The following HMCN2 variants were observed in gnomAD, a reference collection of about 807,000 sequenced individuals.
HMCN2 encodes the protein hemicentin 2.
Under a neutral mutation model 377.5 loss-of-function variants are expected in HMCN2, and 325 were observed. The ratio of observed to expected loss-of-function variants is 0.86; its 90% CI spans 0.79 to 0.94. HMCN2 has a LOEUF of 0.94. Ranked by LOEUF, HMCN2 falls within the 40% of genes least tolerant of loss-of-function variation. The probability of loss-of-function intolerance (pLI) is 0.00; values close to 1 mark genes in which losing one functional copy is unlikely to be tolerated. For missense variants in HMCN2, 4,543 were observed against 4,725.3 expected, an observed-to-expected ratio of 0.96 and a Z score of 1.13; for synonymous variants, 2,007 against 2,046.8, an observed-to-expected ratio of 0.98 and a Z score of 0.53.
intron 1 of HMCN2, among the ~76,000 whole-genome samples, chr9:130,277,820 T>C (rs1290391297): frequency 2.4e-5 from 1 of 41,932 alleles, no homozygotes; most frequent in Admixed American, 2.6e-4. Flanking sequence ...ACCATCATCA[T>C]CATCACCACC....
chr9:130,404,007 CT>C (rs916982128), intron 80 of HMCN2, 132 bp downstream of exon 80: 2 of 876,010 alleles, frequency 2.3e-6, no homozygotes, highest in African/African-American at 3.6e-5. Context: ...GAAAACATCT[CT>C]CATTGTGCGC....
intron 36 of HMCN2, among the ~76,000 whole-genome samples, chr9:130,358,840 A>AT (rs1224522579): frequency 6.6e-6 from 1 of 151,934 alleles, no homozygotes; most frequent in East Asian, 1.9e-4. Context: ...CGTCTGGCTA[A>AT]TTTTTTTGTA....
rs146098786 is a variant in HMCN2 at position 130,348,699 on chromosome 9, G to A, written c.4155+24G>A. ...TGGTGGGTGTCCCCCTAGGGTGGGC[G>A]GGGTATGGGTGGGATTTAGGCTGGG... On this transcript the variant is annotated intron_variant, in intron 27 of 97. Coordinates refer to ENST00000683500, the MANE Select transcript of HMCN2 (RefSeq NM_001291815.2). 245 of 1,302,630 alleles carry A rather than the reference G, an allele frequency of 1.9e-4. No individual in the cohort carries two copies. The African/African-American group carries it at 3.0e-3, about 16-fold the overall frequency. 80.7% of individuals were successfully genotyped at this position (1,302,630 alleles called of 1,614,324 possible).
chr9:130,300,375 C>T (rs532782038), intron 8 of HMCN2, among the ~76,000 whole-genome samples: 1 of 152,380 alleles, frequency 6.6e-6, no homozygotes, highest in African/African-American at 2.4e-5. Context: ...GCAGGGCAGA[C>T]ATGGACTTTT....
chr9:130,337,592 G>T (rs1026290004), intron 22 of HMCN2, among the ~76,000 whole-genome samples: 1 of 152,140 alleles, frequency 6.6e-6, no homozygotes, highest in Non-Finnish European at 1.5e-5. Flanking sequence ...GGAAATGGAG[G>T]CTCCAAGAGG....
At chr9:130,371,767 C>T (rs1205066240) in intron 46 of HMCN2, among the ~76,000 whole-genome samples, 1 of 152,186 alleles carries the variant, frequency 6.6e-6, no homozygotes, top group African/African-American at 2.4e-5. Context: ...CTGCATTGGG[C>T]CCAGTGGAAA....
chr9:130,359,352 A>G lies in HMCN2; in HGVS notation c.5711A>G (p.Lys1904Arg). 7.7e-7 allele frequency: 1 copy of G among 1,304,086 alleles called. No individual in the cohort carries two copies. The highest frequency in any genetic ancestry group is 1.0e-6 in the Non-Finnish European group (1 of 988,728). The allele number at this position is 1,304,086 out of a possible 1,614,324, so 80.8% of individuals were successfully genotyped here. Residue 1904 changes from lysine (K) to arginine (R), a missense_variant, in exon 37 of 98, where the codon AAG (lysine) becomes AGG (arginine). By Grantham distance (26) the Lys-to-Arg change is conservative (BLOSUM62 2). Transcript: ENST00000683500. Reference protein sequence around the residue: ...PPNIEPGPVNKAVLENASVTL... With the variant: ...PPNIEPGPVNRAVLENASVTL... ...AACATCGAGCCAGGCCCAGTCAACA[A>G]GGCAGTGCTGGAAAATGCCTCAGTG...
rs1437129265 is a variant in HMCN2, at chr9:130,406,039, C to A, written c.12424C>A (p.Leu4142Met). Residue 4142 changes from leucine (L) to methionine (M), a missense_variant, in exon 82 of 98, where the codon CTG becomes ATG. Leu to Met is a conservative substitution (Grantham distance 15, BLOSUM62 2). Around this residue, in one of 5 missense-constraint regions of HMCN2, gnomAD observed 1,073 missense variants for 1,319.5 expected, o/e 0.81. Coordinates refer to ENST00000683500, the MANE Select transcript of HMCN2 (RefSeq NM_001291815.2). The part of the protein sequence containing the change: ...RRRVHLTILV[L>M]PVFTTLPGDR... Reference sequence around the variant, plus strand: ...CCGCGTGCACCTCACCATCCTGGTACTGCCTGTGTTCACCACCCTGCCTGG... The same window carrying A: ...CCGCGTGCACCTCACCATCCTGGTAATGCCTGTGTTCACCACCCTGCCTGG... The A allele has an allele frequency of 7.8e-7, 1 of 1,289,888 alleles. No homozygotes were observed. The highest frequency in any genetic ancestry group is 1.0e-6 in the Non-Finnish European group (1 of 988,890). 79.9% of individuals were successfully genotyped at this position (1,289,888 alleles called of 1,614,324 possible).
At chr9:130,398,758 G>A in intron 75 of HMCN2, 51 bp downstream of exon 75, 1 of 1,257,708 alleles carries the variant, frequency 8.0e-7, no homozygotes, top group South Asian at 1.3e-5. Context: ...GGGCGGGGAG[G>A]CACTCTCTTC....
At chr9:130,312,707 C>T (rs2131373409) in intron 15 of HMCN2, among the ~76,000 whole-genome samples, 1 of 149,058 alleles carries the variant, frequency 6.7e-6, no homozygotes, top group East Asian at 2.0e-4. Flanking sequence ...GCTCTGTTGC[C>T]CAGGCTGGAG....
chr9:130,309,282 G>C (rs922847043), intron 14 of HMCN2, among the ~76,000 whole-genome samples: 7 of 152,088 alleles, frequency 4.6e-5, no homozygotes, highest in African/African-American at 1.4e-4. Flanking sequence ...GGGAGCCCGA[G>C]GTGGGCAGAT....
Position 130,395,312 on chromosome 9 carries a change from A to G in HMCN2, c.10876A>G (p.Lys3626Glu). 7.8e-7 allele frequency: 1 copy of G among 1,289,408 alleles called. No individual in the cohort carries two copies. The highest frequency in any genetic ancestry group is 1.0e-6 in the Non-Finnish European group (1 of 988,698). 79.9% of individuals were successfully genotyped at this position (1,289,408 alleles called of 1,614,324 possible). A position where few individuals can be genotyped will look rare whatever the true frequency, so the allele number is the denominator to read the frequency against. Residue 3626 changes from lysine (K) to glutamate (E), a missense_variant, in exon 71 of 98, where the codon AAG becomes GAG. Lys to Glu is a moderately conservative substitution (Grantham distance 56). This residue lies in a region of HMCN2 where 1,073 missense variants were observed against 1,319.5 expected (regional missense o/e 0.81). Coordinates refer to ENST00000683500, the MANE Select transcript of HMCN2 (RefSeq NM_001291815.2). ...TTCGGTGGAGGCAGAGCCAGCGCCC[A>G]AGATCACGTGGCACCGAGACGGCAT... ...ECSVEAEPAPKITWHRDGIVL... is the reference protein window; with the variant it reads ...ECSVEAEPAPEITWHRDGIVL...
intron 92 of HMCN2, 108 bp downstream of exon 92, chr9:130,427,727 G>T (rs1427140490): frequency 1.5e-6 from 2 of 1,336,478 alleles, no homozygotes; most frequent in South Asian, 1.5e-5. Context: ...AGACCTGCAG[G>T]GATGGCCAAT....
chr9:130,360,619 G>A lies in HMCN2; in HGVS notation c.5950+15G>A. 7.9e-7 allele frequency: 1 copy of A among 1,271,744 alleles called. No individual in the cohort carries two copies. The highest frequency in any genetic ancestry group is 1.0e-6 in the Non-Finnish European group (1 of 968,944). The allele number at this position is 1,271,744 out of a possible 1,614,324, so 78.8% of individuals were successfully genotyped here. ...ACGGGTCAATGGTGAGCTTCCCTGG[G>A]CCTACAAGGTCCCTTGTCCAAAAAG... is the stretch of plus-strand genomic sequence containing the variant. On this transcript the variant is annotated intron_variant, in intron 38 of 97. Coordinates refer to ENST00000683500, the MANE Select transcript of HMCN2 (RefSeq NM_001291815.2). This position sits in a 1 kb window ranked among gnomAD's most constrained non-coding sequence, Gnocchi z 4.7.
rs1564773016 is a variant in HMCN2 at position 130,310,022 on chromosome 9, T to C, written c.2311T>C (p.Leu771=). The change falls in exon 15 of 98, where the codon TTG becomes CTG. Residue 771 remains leucine, a synonymous_variant. Coordinates refer to ENST00000683500, the MANE Select transcript of HMCN2 (RefSeq NM_001291815.2). Reference sequence around the variant, plus strand: ...CTACACCTGCCGGGCTGTCAATGAGTTGGGTGACGCCTCTGCAGAAATCCA... The same window carrying C: ...CTACACCTGCCGGGCTGTCAATGAGCTGGGTGACGCCTCTGCAGAAATCCA... ...GTYTCRAVNE[L]GDASAEIQLA... 1 of 533,574 alleles carries C rather than the reference T, an allele frequency of 1.9e-6. No individual in the cohort carries two copies. The highest frequency in any genetic ancestry group is 1.9e-5 in the African/African-American group (1 of 51,846). The allele number at this position is 533,574 out of a possible 1,614,324, so 33.1% of individuals were successfully genotyped here. A position where few individuals can be genotyped will look rare whatever the true frequency, so the allele number is the denominator to read the frequency against.
In HMCN2 at chr9:130,348,678, G is replaced by C; in HGVS notation, c.4155+3G>C. On this transcript the variant is annotated splice_donor_region_variant and intron_variant, in intron 27 of 97. Transcript: ENST00000683500. The stretch of plus-strand genomic sequence containing the variant: ...TGTGGCTGAAGGACGCGCAGCTGGT[G>C]GGTGTCCCCCTAGGGTGGGCGGGGT... 7.7e-7 allele frequency: 1 copy of C among 1,304,238 alleles called. No individual in the cohort carries two copies. The highest frequency in any genetic ancestry group is 1.0e-6 in the Non-Finnish European group (1 of 988,898). The allele number at this position is 1,304,238 out of a possible 1,614,324, so 80.8% of individuals were successfully genotyped here. A position where few individuals can be genotyped will look rare whatever the true frequency, so the allele number is the denominator to read the frequency against.
chr9:130,427,364 C>T lies in HMCN2; in HGVS notation c.13931C>T (p.Ala4644Val). The change falls in exon 91 of 98, where the codon GCG becomes GTG. Residue 4644 changes from alanine (A) to valine (V), a missense_variant. Coordinates refer to ENST00000683500, the MANE Select transcript of HMCN2 (RefSeq NM_001291815.2). Reference protein sequence around the residue: ...PEGFELDSQGAFCVDRDECSG... With the variant: ...PEGFELDSQGVFCVDRDECSG... ...GGCTTTGAGCTGGACTCCCAGGGAG[C>T]GTTTTGTGTGGGTGAGCGCCCCCAA... is the stretch of plus-strand genomic sequence containing the variant. 7.7e-6 allele frequency: 12 copies of T among 1,550,550 alleles called. No homozygotes were observed. Among genetic ancestry groups the T allele is most frequent in the South Asian group, 2.4e-5 (2 of 84,066 alleles).
At chr9:130,348,423 G>A (rs1445760631) in intron 26 of HMCN2, 122 bp from the exon 27 acceptor site, 11 of 1,216,820 alleles carry the variant, frequency 9.0e-6, no homozygotes, top group South Asian at 2.8e-5. Context: ...CTGGGCGGAC[G>A]GGGACAGGCA....
At chr9:130,415,019 G>A (rs1255275967) in intron 85 of HMCN2, among the ~76,000 whole-genome samples, 2 of 152,100 alleles carry the variant, frequency 1.3e-5, no homozygotes, top group Non-Finnish European at 2.9e-5. Context: ...AGCCAGGATG[G>A]TGCCAGCAGA....
Sources: gnomAD v4.1 joint callset for allele counts (sites outside exome capture counted in the v4.1 genomes callset) on GRCh38, gnomAD v4.1.1 for gene constraint, gnomAD v4.1.1 regional missense constraint, Gnocchi (gnomAD v3.1) non-coding constraint, MANE v1.5 for transcripts, NCBI Gene and HGNC (gene_info 2026-07-23, HGNC 2026-07-21) for gene names.